Variants in CTNNA2 observed in about 807,000 individuals in gnomAD.
CTNNA2 encodes the protein catenin alpha-2.
CTNNA2 carries 42 observed loss-of-function variants against 101.0 expected under a neutral mutation model. The observed-to-expected ratio is 0.42, with a 90% CI of 0.32 to 0.54. CTNNA2 has a LOEUF of 0.54. Ranked by LOEUF, CTNNA2 falls within the 20% of genes least tolerant of loss-of-function variation. The pLI is 0.14. For synonymous variants in CTNNA2, 450 were observed against 456.4 expected (o/e 0.99, Z 0.18); for missense variants, 871 against 1,223.1 (o/e 0.71, Z 4.29).
At chr2:79,257,958 G>T (rs906901431) in intron 2 of CTNNA2, among the ~76,000 whole-genome samples, 1 of 151,952 alleles carries the variant, frequency 6.6e-6, no homozygotes, top group African/African-American at 2.4e-5. Context: ...GCAATCTTTG[G>T]CATCCCTTGG....
intron 17 of CTNNA2, among the ~76,000 whole-genome samples, chr2:80,616,038 T>A (rs137988841): frequency 6.6e-6 from 1 of 151,864 alleles, no homozygotes; most frequent in East Asian, 1.9e-4. Flanking sequence ...GTATCTTGTT[T>A]TATTAGTTTT....
At chr2:79,812,391 G>T (rs767034841) in intron 3 of CTNNA2, among the ~76,000 whole-genome samples, 11 of 152,000 alleles carry the variant, frequency 7.2e-5, no homozygotes, top group Non-Finnish European at 1.2e-4. Flanking sequence ...TTCCTTTATT[G>T]GGTTTAGGAA....
At chr2:79,278,443 G>A (rs960231833) in intron 2 of CTNNA2, among the ~76,000 whole-genome samples, 1 of 151,946 alleles carries the variant, frequency 6.6e-6, no homozygotes, top group Non-Finnish European at 1.5e-5. Flanking sequence ...TGTAGGGACA[G>A]CAAAAGCATA....
At chr2:79,881,233 T>G (rs1399850075) in intron 6 of CTNNA2, among the ~76,000 whole-genome samples, 1 of 152,222 alleles carries the variant, frequency 6.6e-6, no homozygotes, top group Non-Finnish European at 1.5e-5. Flanking sequence ...CTTCCAATTA[T>G]GTGGTCAATT....
chr2:79,623,150 A>G (rs941455130), intron 1 of CTNNA2, among the ~76,000 whole-genome samples: 1 of 152,194 alleles, frequency 6.6e-6, no homozygotes, highest in Non-Finnish European at 1.5e-5. Context: ...TGTTACAGTG[A>G]AAAGCCTTTG....
intron 8 of CTNNA2, among the ~76,000 whole-genome samples, chr2:80,417,205 T>C (rs1235543299): frequency 6.6e-6 from 1 of 151,676 alleles, no homozygotes; most frequent in Non-Finnish European, 1.5e-5. Flanking sequence ...AATATATGTA[T>C]ATATTATGAA....
chr2:79,218,311 T>G (rs920524167), intron 2 of CTNNA2, among the ~76,000 whole-genome samples: 1 of 114,758 alleles, frequency 8.7e-6, no homozygotes, highest in African/African-American at 3.3e-5. Context: ...TTCATGAACT[T>G]TGTGTGTGTG....
At chr2:80,388,802 G>T (rs1677248629) in intron 7 of CTNNA2, among the ~76,000 whole-genome samples, 1 of 152,202 alleles carries the variant, frequency 6.6e-6, no homozygotes, top group Non-Finnish European at 1.5e-5. Context: ...TGCTTAATTT[G>T]TAGAGCCTGG....
At chr2:79,900,132 T>A (rs1292010334) in intron 6 of CTNNA2, among the ~76,000 whole-genome samples, 1 of 152,228 alleles carries the variant, frequency 6.6e-6, no homozygotes, top group Non-Finnish European at 1.5e-5. Context: ...AGAGCCAGAA[T>A]TATGATCATG....
rs541391280 is a variant in CTNNA2 at position 80,066,374 on chromosome 2, C to CA, written c.1056+156588dup. On this transcript the variant is annotated intron_variant, in intron 7 of 18. Transcript: ENST00000402739. ...AATATAAAAGAAATTCAAACAATAG[C>CA]AAAAAAAAAAATCAATAGCACAAAA... Among the ~76,000 whole-genome samples the CA allele has an allele frequency of 2.3e-3, 329 of 143,830 alleles. 1 individual carries two copies. Among genetic ancestry groups the CA allele is most frequent in the East Asian group, 6.2e-3 (31 of 4,978 alleles). The allele number at this position is 143,830 out of a possible 152,430, so 94.4% of individuals were successfully genotyped here. A position where few individuals can be genotyped will look rare whatever the true frequency, so the allele number is the denominator to read the frequency against.
intron 1 of CTNNA2, among the ~76,000 whole-genome samples, chr2:79,617,680 A>C (rs917979439): frequency 6.6e-6 from 1 of 152,130 alleles, no homozygotes; most frequent in Non-Finnish European, 1.5e-5. Flanking sequence ...TTATAAGCTC[A>C]GTTTTGTTTA....
chr2:79,196,705 G>T lies in CTNNA2; in HGVS notation c.-523-1254G>T, dbSNP rs72915130. Among the ~76,000 whole-genome samples the T allele has an allele frequency of 3.2e-3, 486 of 152,282 alleles. 3 individuals carry two copies. The highest frequency in any genetic ancestry group is 0.014 in the Middle Eastern group (4 of 294). On this transcript the variant is annotated intron_variant, in intron 1 of 21. Transcript: ENST00000466387. The stretch of plus-strand genomic sequence containing the variant: ...TCTCTAAAATATTTCAAAATGTTCT[G>T]CTTTATACACCAACTTACTTCACTT...
At chr2:79,991,603 C>A (rs1692186373) in intron 7 of CTNNA2, among the ~76,000 whole-genome samples, 1 of 152,196 alleles carries the variant, frequency 6.6e-6, no homozygotes, top group Non-Finnish European at 1.5e-5. Flanking sequence ...ATTCAACAAA[C>A]TATAAATGTG....
chr2:79,494,272 G>C (rs1671233056), intron 4 of CTNNA2, among the ~76,000 whole-genome samples: 1 of 90,836 alleles, frequency 1.1e-5, no homozygotes. Context: ...ATTCCCAGCT[G>C]CCCTATTTTT....
At chr2:80,585,094 A>C (rs1695864983) in intron 14 of CTNNA2, among the ~76,000 whole-genome samples, 1 of 151,864 alleles carries the variant, frequency 6.6e-6, no homozygotes, top group Non-Finnish European at 1.5e-5. Flanking sequence ...TGTACTTGAA[A>C]CTTAATGTTA....
chr2:79,350,853 C>G (rs1464259076), intron 3 of CTNNA2, among the ~76,000 whole-genome samples: 2 of 152,186 alleles, frequency 1.3e-5, no homozygotes, highest in Non-Finnish European at 2.9e-5. Flanking sequence ...AATGGTATCT[C>G]ACTGTGGCTG....
chr2:79,958,083 A>G (rs925132732), intron 7 of CTNNA2, among the ~76,000 whole-genome samples: 6 of 152,216 alleles, frequency 3.9e-5, no homozygotes, highest in African/African-American at 1.4e-4. Flanking sequence ...CGCACATCCC[A>G]GTTCCAGATC....
intron 9 of CTNNA2, among the ~76,000 whole-genome samples, chr2:80,527,939 G>A (rs1262259730): frequency 6.6e-6 from 1 of 152,118 alleles, no homozygotes; most frequent in Non-Finnish European, 1.5e-5. Flanking sequence ...TATGAGTGTG[G>A]GTCCCAGGCA....
chr2:79,334,211 C>A (rs1388955954), intron 3 of CTNNA2, among the ~76,000 whole-genome samples: 1 of 152,106 alleles, frequency 6.6e-6, no homozygotes, highest in East Asian at 1.9e-4. Context: ...TTTGTATCTG[C>A]CATTCAACCT....
Sources: gnomAD v4.1 joint callset for allele counts (sites outside exome capture counted in the v4.1 genomes callset) on GRCh38, gnomAD v4.1.1 for gene constraint, MANE v1.5 for transcripts, NCBI Gene and HGNC (gene_info 2026-07-23, HGNC 2026-07-21) for gene names.